LIMD1: variants seen among roughly 807,000 people sequenced by gnomAD.
LIMD1 encodes the protein LIM domain containing 1.
LIMD1 carries 23 observed loss-of-function variants against 58.4 expected under a neutral mutation model. That is an observed-to-expected ratio of 0.39 (90% CI 0.28 to 0.56). The LOEUF is 0.56. Ranked by LOEUF, LIMD1 falls within the 20% of genes least tolerant of loss-of-function variation. The pLI is 0.57. For synonymous variants in LIMD1, 334 were observed against 345.5 expected (o/e 0.97, Z 0.37); for missense variants, 838 against 855.5 (o/e 0.98, Z 0.25).
At chr3:45,657,746 T>G (rs1036346511) in intron 2 of LIMD1, among the ~76,000 whole-genome samples, 1 of 152,192 alleles carries the variant, frequency 6.6e-6, no homozygotes, top group African/African-American at 2.4e-5. Flanking sequence ...TCCTTACTTA[T>G]GAAATGAAAA....
chr3:45,606,778 G>C (rs1701471628), intron 1 of LIMD1, among the ~76,000 whole-genome samples: 1 of 152,154 alleles, frequency 6.6e-6, no homozygotes. Context: ...AGAGGTGCTT[G>C]AACCAAATTT....
At chr3:45,628,229 A>C (rs1701685756) in intron 1 of LIMD1, among the ~76,000 whole-genome samples, 1 of 152,126 alleles carries the variant, frequency 6.6e-6, no homozygotes, top group African/African-American at 2.4e-5. Flanking sequence ...TATGGGGACC[A>C]AGGCAGCTAG....
chr3:45,602,902 C>T (rs548431125), intron 1 of LIMD1, among the ~76,000 whole-genome samples: 1 of 150,918 alleles, frequency 6.6e-6, no homozygotes, highest in African/African-American at 2.4e-5. Flanking sequence ...TGCAGTGGTG[C>T]GATCTTGGCT....
At chr3:45,628,254 G>A (rs1432323576) in intron 1 of LIMD1, among the ~76,000 whole-genome samples, 1 of 152,044 alleles carries the variant, frequency 6.6e-6, no homozygotes, top group East Asian at 1.9e-4. Context: ...TAGGACTCTA[G>A]CAAAACCTTT....
chr3:45,649,630 G>A (rs1441364903), intron 2 of LIMD1, among the ~76,000 whole-genome samples: 8 of 148,226 alleles, frequency 5.4e-5, no homozygotes, highest in African/African-American at 2.0e-4. Context: ...GCAGTGAGCC[G>A]AGATTGCACC....
In LIMD1 at chr3:45,679,437, T is replaced by G. The variant is rs938691424; in HGVS notation, c.*2378T>G. The G allele has an allele frequency of 3.9e-5, 6 of 152,248 alleles. No individual in the cohort carries two copies. Among genetic ancestry groups the G allele is most frequent in the African/African-American group, 1.4e-4 (6 of 41,468 alleles). The allele number at this position is 152,248 out of a possible 1,614,324, so 9.4% of individuals were successfully genotyped here. On this transcript the variant is annotated 3_prime_UTR_variant, in exon 8 of 8. Transcript: ENST00000273317. ...ATGTTCACCTACCCGGTATTTTAAA[T>G]GTTCTGTAAATTATTAGCCAAATAG...
chr3:45,647,030 A>G lies in LIMD1; in HGVS notation c.1510+10779A>G, dbSNP rs548798685. 3.3e-5 allele frequency among the ~76,000 whole-genome samples: 5 copies of G among 152,290 alleles called. No individual in the cohort carries two copies. In the South Asian group the frequency reaches 1.0e-3, roughly 32 times the overall value. On this transcript the variant is annotated intron_variant, in intron 2 of 7. Transcript: ENST00000273317. ...ATTCATGAAGTTTCTTGTTTTTGAT[A>G]TTTTATACATCACCAAGTCAATGTA...
chr3:45,631,556 C>T (rs921206782), intron 1 of LIMD1, among the ~76,000 whole-genome samples: 2 of 151,982 alleles, frequency 1.3e-5, no homozygotes, highest in Admixed American at 6.6e-5. Flanking sequence ...TCACTGGTCA[C>T]GGTGGAGAGA....
chr3:45,638,028 C>CA (rs11444278), intron 2 of LIMD1, among the ~76,000 whole-genome samples: 152,285 of 152,286 alleles, frequency 1, 76,142 homozygotes, highest in Middle Eastern at 1. Flanking sequence ...ATTGATGGTA[C>CA]AACACATTCT....
At chr3:45,667,826 ATTG>A (rs1338150853) in intron 3 of LIMD1, among the ~76,000 whole-genome samples, 1 of 152,034 alleles carries the variant, frequency 6.6e-6, no homozygotes, top group Non-Finnish European at 1.5e-5. Flanking sequence ...ACCTTGCAGA[ATTG>A]TTGTAAGCAT....
intron 2 of LIMD1, among the ~76,000 whole-genome samples, chr3:45,641,194 A>AAG (rs200502630): frequency 0.03 from 4,601 of 152,220 alleles, 74 homozygotes; most frequent in Non-Finnish European, 0.041. Context: ...CAGACAGGGG[A>AAG]AGAATTTCTC....
intron 4 of LIMD1, among the ~76,000 whole-genome samples, chr3:45,668,628 C>T (rs552961586): frequency 7.2e-5 from 11 of 152,140 alleles, no homozygotes; most frequent in African/African-American, 2.6e-4. Flanking sequence ...TGGTGCATGC[C>T]TGTAGTCCCA....
chr3:45,607,587 C>CAGGG (rs1209448455), intron 1 of LIMD1, among the ~76,000 whole-genome samples: 2 of 152,060 alleles, frequency 1.3e-5, no homozygotes, highest in East Asian at 1.9e-4. Flanking sequence ...GCTGTCATTC[C>CAGGG]AGGGAGGGAG....
chr3:45,655,615 C>T (rs529758686), intron 2 of LIMD1, among the ~76,000 whole-genome samples: 1 of 152,322 alleles, frequency 6.6e-6, no homozygotes, highest in East Asian at 1.9e-4. Flanking sequence ...ACTAGAAATG[C>T]AGAGTCTCGG....
In LIMD1 at chr3:45,679,506, CA is replaced by C. The variant is rs1396456822; in HGVS notation, c.*2449del. ...TTTATGGGCGCCTAGAAAGAAAACA[CA>C]AGGACTTGGTAGGCCAGGAAGAAAA... On this transcript the variant is annotated 3_prime_UTR_variant, in exon 8 of 8. Coordinates refer to ENST00000273317, the MANE Select transcript of LIMD1 (RefSeq NM_014240.3). 1 of 152,176 alleles carries C rather than the reference CA, an allele frequency of 6.6e-6. No homozygotes were observed. The highest frequency in any genetic ancestry group is 2.4e-5 in the African/African-American group (1 of 41,434). The allele number at this position is 152,176 out of a possible 1,614,324, so 9.4% of individuals were successfully genotyped here.
chr3:45,596,242 C>G lies in LIMD1; in HGVS notation c.1363C>G (p.Arg455Gly). 1 of 1,611,802 alleles carries G rather than the reference C, an allele frequency of 6.2e-7. No individual in the cohort carries two copies. The highest frequency in any genetic ancestry group is 8.5e-7 in the Non-Finnish European group (1 of 1,179,276). Residue 455 changes from arginine (R) to glycine (G), a missense_variant, in exon 1 of 8, where the codon CGT (arginine) becomes GGT (glycine). This residue lies in a region of LIMD1 where 659 missense variants were observed against 639.8 expected (regional missense o/e 1.03). Coordinates refer to ENST00000273317, the MANE Select transcript of LIMD1 (RefSeq NM_014240.3). The part of the protein sequence containing the change: ...AELKLEALTQ[R>G]LEREMDAHPK... ...GTTGAAATTAGAAGCCCTCACCCAA[C>G]GTCTGGAGCGAGAGATGGATGCTCA... is the stretch of plus-strand genomic sequence containing the variant.
chr3:45,655,451 A>G (rs1439102464), intron 2 of LIMD1, among the ~76,000 whole-genome samples: 3 of 152,204 alleles, frequency 2.0e-5, no homozygotes, highest in Non-Finnish European at 4.4e-5. Flanking sequence ...GATGCTGATT[A>G]TTCAGGGATG....
chr3:45,616,757 CTTT>C (rs1335272194), intron 1 of LIMD1, among the ~76,000 whole-genome samples: 2 of 142,020 alleles, frequency 1.4e-5, no homozygotes. Context: ...ATGAGAAAGT[CTTT>C]TTTTTTTTTT....
At chr3:45,619,239 G>A (rs544404246) in intron 1 of LIMD1, among the ~76,000 whole-genome samples, 3 of 152,098 alleles carry the variant, frequency 2.0e-5, no homozygotes, top group Admixed American at 1.3e-4. Context: ...GAACTCCTGG[G>A]CTCAAGCAGT....
Sources: gnomAD v4.1 joint callset for allele counts (sites outside exome capture counted in the v4.1 genomes callset) on GRCh38, gnomAD v4.1.1 for gene constraint, gnomAD v4.1.1 regional missense constraint, MANE v1.5 for transcripts, NCBI Gene and HGNC (gene_info 2026-07-23, HGNC 2026-07-21) for gene names.